The following SCG3 variants were observed in gnomAD, a reference collection of about 807,000 sequenced individuals.
SCG3 encodes the protein secretogranin III.
A neutral mutation model predicts 56.2 loss-of-function variants in SCG3; 38 were observed. The ratio of observed to expected loss-of-function variants is 0.68; its 90% CI spans 0.52 to 0.89. SCG3 has a LOEUF of 0.89. Among genes scored for constraint, SCG3 ranks in the 40% least tolerant of loss-of-function variants. The pLI is 0.00. For synonymous variants in SCG3, 176 were observed against 184.2 expected (o/e 0.96, Z 0.36); for missense variants, 524 against 540.7 (o/e 0.97, Z 0.31).
At chr15:51,684,679 A>G (rs1186445190) in intron 4 of SCG3, among the ~76,000 whole-genome samples, 2 of 152,304 alleles carry the variant, frequency 1.3e-5, no homozygotes, top group South Asian at 2.1e-4. Context: ...CTGCACACAT[A>G]ATCTGATAGA....
chr15:51,718,397 T>A (rs2055473367), intron 11 of SCG3, among the ~76,000 whole-genome samples: 1 of 152,186 alleles, frequency 6.6e-6, no homozygotes, highest in African/African-American at 2.4e-5. Flanking sequence ...TGTCTAAGCC[T>A]CACTCACTTA....
chr15:51,720,678 TTCTG>T lies in SCG3; in HGVS notation c.*1156_*1159del, dbSNP rs1567225247. 1 of 152,244 alleles carries T rather than the reference TTCTG, an allele frequency of 6.6e-6. No individual in the cohort carries two copies. The highest frequency in any genetic ancestry group is 1.5e-5 in the Non-Finnish European group (1 of 68,080). The allele number at this position is 152,244 out of a possible 1,614,324, so 9.4% of individuals were successfully genotyped here. A position where few individuals can be genotyped will look rare whatever the true frequency, so the allele number is the denominator to read the frequency against. On this transcript the variant is annotated 3_prime_UTR_variant, in exon 12 of 12. Coordinates refer to ENST00000220478, the MANE Select transcript of SCG3 (RefSeq NM_013243.4). ...GGTCGAGTGGGGCCTTGGAGAACTT[TTCTG>T]TCTTACAAGAGGATTGTAAAATGCA...
At chr15:51,696,638 G>A (rs2055305281) in intron 8 of SCG3, among the ~76,000 whole-genome samples, 1 of 152,192 alleles carries the variant, frequency 6.6e-6, no homozygotes, top group South Asian at 2.1e-4. Flanking sequence ...CAGAAAGCAT[G>A]GCACCAGCAT....
rs1370714707 is a variant in SCG3, at chr15:51,692,049, G to A, written c.691-110G>A. ...GAACCTGCAGGAGCTTGCAAACGAG[G>A]GGGAATTCTTGCACTTCACATTTAA... is the stretch of plus-strand genomic sequence containing the variant. On this transcript the variant is annotated intron_variant, in intron 6 of 11. Coordinates refer to ENST00000220478, the MANE Select transcript of SCG3 (RefSeq NM_013243.4). 5.9e-6 allele frequency: 6 copies of A among 1,019,414 alleles called. No individual in the cohort carries two copies. In the Admixed American group the frequency reaches 1.5e-4, roughly 25 times the overall value. 63.1% of individuals were successfully genotyped at this position (1,019,414 alleles called of 1,614,324 possible). A position where few individuals can be genotyped will look rare whatever the true frequency, so the allele number is the denominator to read the frequency against.
Position 51,713,347 on chromosome 15 carries a change from T to C in SCG3, c.1222T>C (p.Tyr408His). The C allele has an allele frequency of 1.9e-6, 3 of 1,599,370 alleles. No homozygotes were observed. Among genetic ancestry groups the C allele is most frequent in the Non-Finnish European group, 2.6e-6 (3 of 1,174,592 alleles). ...ACCTCTTCCAGGAAAAACAGAAGCC[T>C]ATTTGGAAGCCATCAGAAAAAATAT... ...TDEPKGKTEAYLEAIRKNIEW... is the reference protein window; with the variant it reads ...TDEPKGKTEAHLEAIRKNIEW... The change falls in exon 11 of 12, where the codon TAT (tyrosine) becomes CAT (histidine). Residue 408 changes from tyrosine (Y) to histidine (H), a missense_variant. Tyr to His is a moderately conservative substitution (Grantham distance 83). Coordinates refer to ENST00000220478, the MANE Select transcript of SCG3 (RefSeq NM_013243.4).
rs1411566327 is a variant in SCG3 at position 51,689,315 on chromosome 15, A to G, written c.637A>G (p.Asn213Asp). The change falls in exon 6 of 12, where the codon AAT becomes GAT. Residue 213 changes from asparagine to aspartate, a missense_variant. Asn to Asp is a conservative substitution (Grantham distance 23, BLOSUM62 1). Transcript: ENST00000220478. ...KEANNYEEDPNKPTSWTENQA... is the reference protein window; with the variant it reads ...KEANNYEEDPDKPTSWTENQA... Reference sequence around the variant, plus strand: ...AGCCAACAATTATGAGGAGGATCCCAATAAGCCCACAAGCTGGACTGAGAA... The same window carrying G: ...AGCCAACAATTATGAGGAGGATCCCGATAAGCCCACAAGCTGGACTGAGAA... 1.9e-6 allele frequency: 3 copies of G among 1,614,058 alleles called. No individual in the cohort carries two copies. The East Asian group carries it at 6.7e-5, about 36-fold the overall frequency.
chr15:51,683,042 G>T, intron 2 of SCG3, 37 bp from the exon 3 acceptor site: 1 of 1,570,488 alleles, frequency 6.4e-7, no homozygotes, highest in South Asian at 1.1e-5. Flanking sequence ...GTGGAGCAAT[G>T]ATTTTAAACC....
chr15:51,690,061 T>C (rs917485290), intron 6 of SCG3, among the ~76,000 whole-genome samples: 12 of 152,192 alleles, frequency 7.9e-5, no homozygotes, highest in Admixed American at 1.3e-4. Flanking sequence ...TCACAGCAGA[T>C]GTCATCATCT....
intron 6 of SCG3, 98 bp from the exon 7 acceptor site, chr15:51,692,061 C>T (rs2055270423): frequency 7.0e-6 from 8 of 1,144,150 alleles, no homozygotes; most frequent in South Asian, 1.6e-5. Context: ...GGAATTCTTG[C>T]ACTTCACATT....
intron 10 of SCG3, among the ~76,000 whole-genome samples, chr15:51,706,019 C>A (rs757184681): frequency 6.6e-6 from 1 of 152,112 alleles, no homozygotes; most frequent in East Asian, 1.9e-4. Flanking sequence ...CAAGGACCAG[C>A]AATTTCTAGG....
rs555143118 is a variant in SCG3, at chr15:51,690,192, C to T, written c.690+824C>T. On this transcript the variant is annotated intron_variant, in intron 6 of 11. Transcript: ENST00000220478. Reference sequence around the variant, plus strand: ...GTTCTTGGCAATGCTCTTCCACCTGCTCCTTCCCCTTTTCATTGGTTTAGA... The same window carrying T: ...GTTCTTGGCAATGCTCTTCCACCTGTTCCTTCCCCTTTTCATTGGTTTAGA... Among the ~76,000 whole-genome samples, 363 of 152,300 alleles carry T rather than the reference C, an allele frequency of 2.4e-3. 1 individual carries two copies. The highest frequency in any genetic ancestry group is 4.6e-3 in the Non-Finnish European group (312 of 68,030).
At chr15:51,713,111 T>C (rs2055431044) in intron 10 of SCG3, 1 of 343,684 alleles carries the variant, frequency 2.9e-6, no homozygotes, top group Non-Finnish European at 5.3e-6. Context: ...AACTTGATTC[T>C]TCCTCCTGGA....
chr15:51,720,129 CCT>C lies in SCG3; in HGVS notation c.*604_*605del, dbSNP rs1468110171. 1 of 152,270 alleles carries C rather than the reference CCT, an allele frequency of 6.6e-6. No individual in the cohort carries two copies. Among genetic ancestry groups the C allele is most frequent in the Non-Finnish European group, 1.5e-5 (1 of 68,120 alleles). 9.4% of individuals were successfully genotyped at this position (152,270 alleles called of 1,614,324 possible). Reference sequence around the variant, plus strand: ...TTGCTGGATTTACTAACAATTTCCCCCTGTTCTTAACACTTCCTATTAGTGAC... The same window carrying C: ...TTGCTGGATTTACTAACAATTTCCCCGTTCTTAACACTTCCTATTAGTGAC... On this transcript the variant is annotated 3_prime_UTR_variant, in exon 12 of 12. Transcript: ENST00000220478.
intron 10 of SCG3, chr15:51,713,085 C>T (rs76444462): frequency 0.12 from 36,577 of 303,110 alleles, 2,718 homozygotes; most frequent in Admixed American, 0.23. Context: ...GGGAATCATG[C>T]CCCTTGACAC....
chr15:51,688,864 C>T (rs1221858306), intron 5 of SCG3, among the ~76,000 whole-genome samples: 1 of 152,150 alleles, frequency 6.6e-6, no homozygotes, highest in Admixed American at 6.6e-5. Context: ...CCTGACCTGG[C>T]CCTGACAGGC....
intron 10 of SCG3, among the ~76,000 whole-genome samples, chr15:51,706,930 C>T (rs1298767029): frequency 6.6e-6 from 1 of 152,022 alleles, no homozygotes; most frequent in Non-Finnish European, 1.5e-5. Context: ...ATAATTATTC[C>T]TAAGTTTATG....
intron 10 of SCG3, among the ~76,000 whole-genome samples, chr15:51,705,926 T>C (rs1245126285): frequency 6.6e-6 from 1 of 152,200 alleles, no homozygotes. Context: ...ATGTAATTTA[T>C]TAATGTTACC....
intron 10 of SCG3, chr15:51,708,361 C>A (rs2141577089): frequency 6.6e-6 from 1 of 152,348 alleles, no homozygotes; most frequent in South Asian, 2.1e-4. Context: ...TGCCAATGCT[C>A]TTGTAAGCGT....
chr15:51,715,863 T>TC (rs2055451635), intron 11 of SCG3, among the ~76,000 whole-genome samples: 1 of 135,748 alleles, frequency 7.4e-6, no homozygotes, highest in Non-Finnish European at 1.6e-5. Context: ...AGTCTGCACT[T>TC]TTTTTTTTTT....
Sources: allele counts gnomAD v4.1 joint callset (sites outside exome capture counted in the v4.1 genomes callset), GRCh38; gene constraint gnomAD v4.1.1; transcripts MANE v1.5; gene names NCBI Gene and HGNC (gene_info 2026-07-23, HGNC 2026-07-21).